The following EFHC2 variants were observed in gnomAD, a reference collection of about 807,000 sequenced individuals.
EFHC2 encodes EF-hand domain-containing family member C2.
A neutral mutation model predicts 52.7 loss-of-function variants in EFHC2; 18 were observed. The ratio of observed to expected loss-of-function variants is 0.34; its 90% CI spans 0.24 to 0.51. The LOEUF is 0.51. Ranked by LOEUF, EFHC2 falls within the 20% of genes least tolerant of loss-of-function variation. The pLI is 0.97. For synonymous variants in EFHC2, 203 were observed against 204.1 expected (o/e 0.99, Z 0.04); for missense variants, 513 against 562.5 (o/e 0.91, Z 0.89).
chrX:44,221,619 TAATC>T (rs1420781237), intron 11 of EFHC2, among the ~76,000 whole-genome samples: 1 of 111,844 alleles, frequency 8.9e-6, no homozygotes, highest in Admixed American at 9.5e-5. Context: ...TGAACCTTCA[TAATC>T]AATCAGTCAA....
rs1602168394 is a variant in EFHC2, at chrX:44,235,698, C to T, written c.1281-251G>A. On this transcript the variant is annotated intron_variant, in intron 8 of 14. Transcript: ENST00000420999. ...ATTGGGAAAATGAACCCAAAACAAA[C>T]GTCATAAACACACTGTTCAAACCAG... is the stretch of plus-strand genomic sequence containing the variant. Among the ~76,000 whole-genome samples the T allele has an allele frequency of 3.6e-5, 4 of 112,505 alleles. No homozygotes were observed. The South Asian group carries it at 1.1e-3, about 31-fold the overall frequency.
chrX:44,204,382 G>A (rs957414102), intron 11 of EFHC2, among the ~76,000 whole-genome samples: 3 of 111,506 alleles, frequency 2.7e-5, no homozygotes, highest in Non-Finnish European at 3.8e-5. Flanking sequence ...TAACCAGATT[G>A]AAATGTCTGA....
chrX:44,288,701 G>A (rs1229407238), intron 2 of EFHC2, among the ~76,000 whole-genome samples: 7 of 111,699 alleles, frequency 6.3e-5, no homozygotes, highest in Admixed American at 2.9e-4. Flanking sequence ...CAACTCAGAC[G>A]GCATGTGCTT....
chrX:44,271,975 G>A (rs1017736348), intron 3 of EFHC2, among the ~76,000 whole-genome samples: 4 of 111,980 alleles, frequency 3.6e-5, no homozygotes, highest in African/African-American at 6.5e-5. Context: ...TTCTTTCACC[G>A]TCATAGTTGC....
intron 2 of EFHC2, among the ~76,000 whole-genome samples, chrX:44,298,990 AAC>A (rs1388715181): frequency 1.8e-5 from 2 of 110,575 alleles, no homozygotes; most frequent in Non-Finnish European, 3.8e-5. Flanking sequence ...AATCCTAAAG[AAC>A]ACAGTTATTC....
chrX:44,309,899 G>A (rs1291358333), intron 2 of EFHC2: 3 of 1,118,121 alleles, frequency 2.7e-6, no homozygotes, highest in Non-Finnish European at 3.7e-6. Flanking sequence ...TGGCATTGAA[G>A]AGAAATTCCC....
intron 1 of EFHC2, among the ~76,000 whole-genome samples, chrX:44,313,372 A>T (rs758405093): frequency 3.6e-5 from 4 of 111,597 alleles, no homozygotes; most frequent in South Asian, 3.7e-4. Flanking sequence ...GGCCAACATC[A>T]ACATTTGTGC....
intron 14 of EFHC2, among the ~76,000 whole-genome samples, chrX:44,161,152 G>A (rs1370057378): frequency 9.0e-6 from 1 of 111,666 alleles, no homozygotes; most frequent in Non-Finnish European, 1.9e-5. Flanking sequence ...AATGGAAGAG[G>A]AAAGAGAGAA....
chrX:44,250,103 A>G (rs2037430943), intron 5 of EFHC2, 91 bp downstream of exon 5: 2 of 1,057,040 alleles, frequency 1.9e-6, no homozygotes, highest in South Asian at 2.5e-5. Flanking sequence ...CATGGTTACT[A>G]TCATCATATA....
At chrX:44,287,288 CA>C (rs1406135338) in intron 2 of EFHC2, among the ~76,000 whole-genome samples, 3 of 111,104 alleles carry the variant, frequency 2.7e-5, no homozygotes, top group East Asian at 2.8e-4. Flanking sequence ...ATTTTTCTAT[CA>C]AAAAAATTTT....
chrX:44,221,095 T>A (rs1212510551), intron 11 of EFHC2, among the ~76,000 whole-genome samples: 1 of 112,284 alleles, frequency 8.9e-6, no homozygotes, highest in East Asian at 2.8e-4. Flanking sequence ...GTTTAAAGAC[T>A]ATTTGTATTT....
intron 2 of EFHC2, among the ~76,000 whole-genome samples, chrX:44,279,834 A>G (rs939015196): frequency 5.4e-5 from 6 of 111,057 alleles, no homozygotes; most frequent in Admixed American, 1.9e-4. Context: ...CAGGATACCA[A>G]AAATGATGGA....
intron 2 of EFHC2, chrX:44,286,256 GCA>G (rs954440735): frequency 5.3e-5 from 6 of 112,895 alleles, no homozygotes; most frequent in Non-Finnish European, 1.1e-4. Flanking sequence ...AACAGAAAAG[GCA>G]CAGTCAGGAG....
chrX:44,173,100 T>C (rs975973270), intron 13 of EFHC2, among the ~76,000 whole-genome samples: 1 of 112,167 alleles, frequency 8.9e-6, no homozygotes, highest in African/African-American at 3.2e-5. Context: ...AATATAGGGT[T>C]AGGAGAAATA....
chrX:44,155,140 G>A (rs2036597608), intron 14 of EFHC2, among the ~76,000 whole-genome samples: 1 of 111,926 alleles, frequency 8.9e-6, no homozygotes, highest in African/African-American at 3.2e-5. Context: ...GAAATGCAGA[G>A]TGAAATTCAA....
At chrX:44,312,271 G>A (rs2037952691) in intron 2 of EFHC2, among the ~76,000 whole-genome samples, 1 of 111,713 alleles carries the variant, frequency 9.0e-6, no homozygotes, top group Admixed American at 9.5e-5. Context: ...AGCACATGAG[G>A]TAACGCATAT....
intron 14 of EFHC2, among the ~76,000 whole-genome samples, chrX:44,151,485 TCTG>T (rs1201231216): frequency 9.0e-6 from 1 of 111,359 alleles, no homozygotes; most frequent in Non-Finnish European, 1.9e-5. Context: ...TCTCCTGGCT[TCTG>T]GTGGTGGCTG....
intron 1 of EFHC2, among the ~76,000 whole-genome samples, chrX:44,324,830 C>CA: frequency 8.9e-6 from 1 of 112,022 alleles, no homozygotes; most frequent in African/African-American, 3.2e-5. Context: ...ATTCTCCACC[C>CA]AAAGAGTATT....
At chrX:44,275,077 T>C (rs1361808728) in intron 2 of EFHC2, among the ~76,000 whole-genome samples, 1 of 111,488 alleles carries the variant, frequency 9.0e-6, no homozygotes, top group African/African-American at 3.3e-5. Flanking sequence ...CTCTATATAC[T>C]GAATGCTGCC....
Sources: gnomAD v4.1 joint callset for allele counts (sites outside exome capture counted in the v4.1 genomes callset) on GRCh38, gnomAD v4.1.1 for gene constraint, MANE v1.5 for transcripts, NCBI Gene and HGNC (gene_info 2026-07-23, HGNC 2026-07-21) for gene names.